TNS2: variants seen among roughly 807,000 people sequenced by gnomAD.
TNS2 encodes the protein tensin 2.
TNS2 carries 77 observed loss-of-function variants against 155.7 expected under a neutral mutation model. The ratio of observed to expected loss-of-function variants is 0.49; its 90% CI spans 0.41 to 0.60. The LOEUF (loss-of-function observed/expected upper bound fraction) is 0.60, where lower values mean the gene tolerates loss of function less well. TNS2 is among the 20% of genes least tolerant of loss of function. TNS2 has a pLI of 0.00. For synonymous variants in TNS2, 726 were observed against 763.9 expected (o/e 0.95, Z 0.82); for missense variants, 1,703 against 1,868.8 (o/e 0.91, Z 1.64).
At position 53,055,185 on chromosome 12, in the gene TNS2, G is replaced by T; in HGVS notation, c.523-1G>T. 1 of 1,613,754 alleles carries T rather than the reference G, an allele frequency of 6.2e-7. No homozygotes were observed. The highest frequency in any genetic ancestry group is 8.5e-7 in the Non-Finnish European group (1 of 1,179,930). On this transcript the variant is annotated splice_acceptor_variant, in intron 7 of 28. Coordinates refer to ENST00000314250, the MANE Select transcript of TNS2 (RefSeq NM_170754.4). LOFTEE classifies it high-confidence loss of function. Reference sequence around the variant, plus strand: ...TCTAAAGCCCTCCCCCTTTATTTCAGCTCTTCAACCTTTCAGAGAAAAGGC... The same window carrying T: ...TCTAAAGCCCTCCCCCTTTATTTCATCTCTTCAACCTTTCAGAGAAAAGGC...
chr12:53,061,058 G>A lies in TNS2; in HGVS notation c.3152G>A (p.Ser1051Asn). 1.9e-6 allele frequency: 3 copies of A among 1,613,664 alleles called. No individual in the cohort carries two copies. The highest frequency in any genetic ancestry group is 2.2e-5 in the East Asian group (1 of 44,884). The change falls in exon 20 of 29, where the codon AGC (serine) becomes AAC (asparagine). Residue 1051 changes from serine to asparagine, a missense_variant. Physicochemically the swap from Ser to Asn is conservative, Grantham distance 46. Coordinates refer to ENST00000314250, the MANE Select transcript of TNS2 (RefSeq NM_170754.4). ...GTGGCCAGCCCAGAGCCGCCTCAGA[G>A]CTCACCTACACCTGCTTTCCCCCTG... ...WLVASPEPPQSSPTPAFPLAA... is the reference protein window; with the variant it reads ...WLVASPEPPQNSPTPAFPLAA...
Position 53,060,564 on chromosome 12 carries a change from A to AG in TNS2, c.2768+13dup. ...GTCCAGGGCAAGGAAAGGTATGCAG[A>AG]GGGGCCGGGGATGCTCGAGTGCTTT... On this transcript the variant is annotated intron_variant, in intron 19 of 28. Transcript: ENST00000314250. This position sits in a 1 kb window ranked among gnomAD's most constrained non-coding sequence, Gnocchi z 6.1. 6.2e-7 allele frequency: 1 copy of AG among 1,612,500 alleles called. No individual in the cohort carries two copies.
Position 53,062,926 on chromosome 12 carries a change from G to A in TNS2, c.3824-163G>A, listed in dbSNP as rs114495506. 1.5e-3 allele frequency: 1,584 copies of A among 1,044,190 alleles called. 3 individuals are homozygous for A. The highest frequency in any genetic ancestry group is 6.6e-3 in the African/African-American group (411 of 62,322). The allele number at this position is 1,044,190 out of a possible 1,614,324, so 64.7% of individuals were successfully genotyped here. On this transcript the variant is annotated intron_variant, in intron 25 of 28. Coordinates refer to ENST00000314250, the MANE Select transcript of TNS2 (RefSeq NM_170754.4). Reference sequence around the variant, plus strand: ...GGTAGCAGGGAGGCTTCTCTGCCTCGCTTCTGACTGTAGATCCAGTAGAGT... The same window carrying A: ...GGTAGCAGGGAGGCTTCTCTGCCTCACTTCTGACTGTAGATCCAGTAGAGT...
chr12:53,058,147 G>GTT (rs747780111), intron 14 of TNS2, 45 bp downstream of exon 14: 1 of 1,613,558 alleles, frequency 6.2e-7, no homozygotes, highest in African/African-American at 1.3e-5. Context: ...AGATGGGGCA[G>GTT]GGGTTGGTGG....
chr12:53,053,618 T>C (rs1211964985), intron 4 of TNS2, 156 bp from the exon 5 acceptor site: 1 of 1,364,478 alleles, frequency 7.3e-7, no homozygotes, highest in Non-Finnish European at 1.0e-6. Flanking sequence ...GCTGATCTTG[T>C]GCCCTTGGGC....
chr12:53,054,540 A>AG, intron 7 of TNS2, 99 bp downstream of exon 7: 1 of 567,056 alleles, frequency 1.8e-6, no homozygotes, highest in South Asian at 2.4e-5. Context: ...CGAGGCCGCC[A>AG]GGGGGCGGGA....
At chr12:53,058,469 G>C (rs1944241949) in intron 15 of TNS2, 24 bp downstream of exon 15, 2 of 1,613,840 alleles carry the variant, frequency 1.2e-6, no homozygotes, top group African/African-American at 1.3e-5. Flanking sequence ...AAGTGGCCTG[G>C]GGCTGGAGTC....
upstream of TNS2, among the ~76,000 whole-genome samples, chr12:53,047,388 C>G (rs1413493825): frequency 6.9e-6 from 1 of 145,300 alleles, no homozygotes; most frequent in Non-Finnish European, 1.5e-5. Flanking sequence ...GTGGCCGCGC[C>G]GCGCTGGGCG....
Position 53,050,267 on chromosome 12 carries a change from G to A in TNS2, c.75+7G>A, listed in dbSNP as rs971898787. ...CAGCCGGGCCGCAAGCAGGGTAGGA[G>A]TGCCCACCAGCTGGGCAAAAGAGGG... On this transcript the variant is annotated splice_region_variant and intron_variant, in intron 1 of 28. Transcript: ENST00000314250. This position sits in a 1 kb window ranked among gnomAD's most constrained non-coding sequence, Gnocchi z 4.7. 4 of 1,600,988 alleles carry A rather than the reference G, an allele frequency of 2.5e-6. No individual in the cohort carries two copies. Among genetic ancestry groups the A allele is most frequent in the African/African-American group, 1.3e-5 (1 of 74,732 alleles).
rs574399731 is a variant in TNS2 at position 53,054,566 on chromosome 12, G to T, written c.522+125G>T. 3.4e-5 allele frequency: 41 copies of T among 1,206,358 alleles called. 3 individuals carry two copies. Among genetic ancestry groups the T allele is most frequent in the African/African-American group, 2.5e-4 (16 of 64,296 alleles). The allele number at this position is 1,206,358 out of a possible 1,614,324, so 74.7% of individuals were successfully genotyped here. ...GGGGGCGGGACCAGAGTGGTGGGGT[G>T]GGGGCGGGGCCCGGAGCGCGGCCTG... On this transcript the variant is annotated intron_variant, in intron 7 of 28. Coordinates refer to ENST00000314250, the MANE Select transcript of TNS2 (RefSeq NM_170754.4).
chr12:53,055,064 G>A (rs1406496780), intron 7 of TNS2, 122 bp from the exon 8 acceptor site: 11 of 1,142,016 alleles, frequency 9.6e-6, no homozygotes, highest in Admixed American at 9.4e-5. Context: ...GGTTATAGGC[G>A]TGAGTTACTG....
Position 53,053,827 on chromosome 12 carries a change from G to C in TNS2, c.300+15G>C. 1.9e-6 allele frequency: 3 copies of C among 1,613,494 alleles called. No homozygotes were observed. The highest frequency in any genetic ancestry group is 2.5e-6 in the Non-Finnish European group (3 of 1,179,746). ...TAGAGCACCTGGTAAGGTGATGCTG[G>C]AGCAGGAGGGGGAAGCAGGTAGCTT... On this transcript the variant is annotated intron_variant, in intron 5 of 28. Coordinates refer to ENST00000314250, the MANE Select transcript of TNS2 (RefSeq NM_170754.4).
In TNS2 at chr12:53,059,974, A is replaced by G. The variant is rs1243234919; in HGVS notation, c.2333A>G (p.Tyr778Cys). 1.9e-6 allele frequency: 3 copies of G among 1,613,132 alleles called. No individual in the cohort carries two copies. In the South Asian group the frequency reaches 3.3e-5, roughly 18 times the overall value. ...TACACCATGTGCCCCGAAGGCAGGT[A>G]TGGGCATCCAGGGTACCCTGCCCTG... ...CSYTMCPEGR[Y>C]GHPGYPALVT... The change falls in exon 18 of 29, where the codon TAT becomes TGT. Residue 778 changes from tyrosine to cysteine, a missense_variant. Tyr to Cys is a radical substitution (Grantham distance 194). Coordinates refer to ENST00000314250, the MANE Select transcript of TNS2 (RefSeq NM_170754.4). The surrounding 1 kb of genome is among the most constrained non-coding windows in gnomAD (Gnocchi z 4.7).
rs574394772 is a variant in TNS2 at position 53,059,067 on chromosome 12, G to A, written c.1426G>A (p.Gly476Ser). 6 of 1,537,592 alleles carry A rather than the reference G, an allele frequency of 3.9e-6. No individual in the cohort carries two copies. The South Asian group carries it at 5.1e-5, about 13-fold the overall frequency. The change falls in exon 18 of 29, where the codon GGT (glycine) becomes AGT (serine). Residue 476 changes from glycine to serine, a missense_variant. Physicochemically the swap from Gly to Ser is moderately conservative, Grantham distance 56. Coordinates refer to ENST00000314250, the MANE Select transcript of TNS2 (RefSeq NM_170754.4). This position sits in a 1 kb window ranked among gnomAD's most constrained non-coding sequence, Gnocchi z 4.7. ...CTCAGGCTCCTTGACCCACACCCGG[G>A]GTCCCCTGGATGGCAGTCCTTATGC... is the stretch of plus-strand genomic sequence containing the variant. ...SVDGSLTHTR[G>S]PLDGSPYAQV...
In TNS2 at chr12:53,055,174, C is replaced by G. The variant is rs1446069717; in HGVS notation, c.523-12C>G. ...GATCATTTCTGTCTAAAGCCCTCCC[C>G]CTTTATTTCAGCTCTTCAACCTTTC... On this transcript the variant is annotated splice_polypyrimidine_tract_variant and intron_variant, in intron 7 of 28. Transcript: ENST00000314250. 6.2e-7 allele frequency: 1 copy of G among 1,613,882 alleles called. No homozygotes were observed. The highest frequency in any genetic ancestry group is 2.2e-5 in the East Asian group (1 of 44,890).
At chr12:53,054,112 G>A in intron 6 of TNS2, 98 bp downstream of exon 6, 1 of 1,576,130 alleles carries the variant, frequency 6.3e-7, no homozygotes, top group South Asian at 1.1e-5. Context: ...CCCCGGGACA[G>A]CCCCCCACCC....
At position 53,060,572 on chromosome 12, in the gene TNS2, G is replaced by A; in HGVS notation, c.2768+17G>A. 6.2e-7 allele frequency: 1 copy of A among 1,609,734 alleles called. No individual in the cohort carries two copies. Among genetic ancestry groups the A allele is most frequent in the Non-Finnish European group, 8.5e-7 (1 of 1,177,660 alleles). On this transcript the variant is annotated intron_variant, in intron 19 of 28. Coordinates refer to ENST00000314250, the MANE Select transcript of TNS2 (RefSeq NM_170754.4). The surrounding 1 kb of genome is among the most constrained non-coding windows in gnomAD (Gnocchi z 6.1). ...CAAGGAAAGGTATGCAGAGGGGCCG[G>A]GGATGCTCGAGTGCTTTCTTGTCCA...
Position 53,059,222 on chromosome 12 carries a change from C to T in TNS2, c.1581C>T (p.Ser527=). 1.3e-6 allele frequency: 2 copies of T among 1,554,146 alleles called. No individual in the cohort carries two copies. The highest frequency in any genetic ancestry group is 1.7e-6 in the Non-Finnish European group (2 of 1,159,002). Residue 527 remains serine (S), a synonymous_variant, in exon 18 of 29, where the codon TCC becomes TCT. Transcript: ENST00000314250. This position sits in a 1 kb window ranked among gnomAD's most constrained non-coding sequence, Gnocchi z 4.7. ...STLTTEPAAE[S]PGRPPPTAAE... ...TGACCACAGAGCCGGCTGCTGAGTC[C>T]CCTGGCCGGCCGCCCCCTACAGCTG...
At chr12:53,061,663 G>A (rs1944388854) in intron 21 of TNS2, 152 bp from the exon 22 acceptor site, 2 of 1,418,564 alleles carry the variant, frequency 1.4e-6, no homozygotes, top group African/African-American at 2.9e-5. Context: ...AAACCCCTGT[G>A]AACTCTAGAG....
Sources: allele counts gnomAD v4.1 joint callset (sites outside exome capture counted in the v4.1 genomes callset), GRCh38; gene constraint gnomAD v4.1.1; non-coding constraint Gnocchi (gnomAD v3.1); transcripts MANE v1.5; gene names NCBI Gene and HGNC (gene_info 2026-07-23, HGNC 2026-07-21).